SCAI: variants seen among roughly 807,000 people sequenced by gnomAD.
The protein encoded by SCAI is suppressor of cancer cell invasion.
In SCAI, 24 loss-of-function variants were observed where a neutral mutation model predicts 92.2. That is an observed-to-expected ratio of 0.26 (90% CI 0.19 to 0.37). The LOEUF (loss-of-function observed/expected upper bound fraction) is 0.37, where lower values mean the gene tolerates loss of function less well. Among genes scored for constraint, SCAI ranks in the 10% least tolerant of loss-of-function variants. The pLI, the probability that SCAI is intolerant of heterozygous loss-of-function variation, is 1.00. For synonymous variants in SCAI, 261 were observed against 258.6 expected (o/e 1.01, Z -0.09); for missense variants, 450 against 736.2 (o/e 0.61, Z 4.50).
chr9:125,068,954 G>A (rs980110000), intron 2 of SCAI, among the ~76,000 whole-genome samples: 3 of 152,008 alleles, frequency 2.0e-5, no homozygotes, highest in Admixed American at 2.0e-4. Flanking sequence ...GGTGCCTCAC[G>A]CCTATAATCC....
chr9:125,007,323 GAT>G (rs1832531884), intron 9 of SCAI, among the ~76,000 whole-genome samples: 1 of 152,072 alleles, frequency 6.6e-6, no homozygotes, highest in Non-Finnish European at 1.5e-5. Context: ...TACTAAGTGT[GAT>G]CAACAAAATA....
intron 3 of SCAI, among the ~76,000 whole-genome samples, chr9:125,046,655 C>T (rs1833449682): frequency 6.7e-6 from 1 of 148,806 alleles, no homozygotes; most frequent in East Asian, 2.0e-4. Flanking sequence ...TACTAAAGAA[C>T]TTATTCATGT....
intron 3 of SCAI, among the ~76,000 whole-genome samples, chr9:125,034,910 T>C (rs906663083): frequency 6.6e-6 from 1 of 152,224 alleles, no homozygotes; most frequent in Non-Finnish European, 1.5e-5. Flanking sequence ...TAGTTATATG[T>C]CAAAATGTTG....
chr9:125,140,315 G>A (rs904595885), intron 2 of SCAI, among the ~76,000 whole-genome samples: 3 of 152,044 alleles, frequency 2.0e-5, no homozygotes, highest in Admixed American at 2.0e-4. Context: ...AGCACTTGAG[G>A]CCAGGAGTTC....
intron 3 of SCAI, among the ~76,000 whole-genome samples, chr9:125,037,033 C>T (rs1359045514): frequency 6.6e-6 from 1 of 152,126 alleles, no homozygotes; most frequent in Non-Finnish European, 1.5e-5. Context: ...CTTTGGGAGG[C>T]CGAGGCAGGC....
intron 17 of SCAI, among the ~76,000 whole-genome samples, chr9:124,960,185 G>C (rs780686675): frequency 5.3e-5 from 8 of 152,114 alleles, no homozygotes; most frequent in Non-Finnish European, 1.2e-4. Context: ...GCAAAGGCTT[G>C]TACAAGCCTT....
intron 13 of SCAI, among the ~76,000 whole-genome samples, chr9:124,997,792 C>T (rs1450014831): frequency 4.0e-5 from 6 of 150,652 alleles, no homozygotes; most frequent in African/African-American, 1.5e-4. Flanking sequence ...AGGAGAATCG[C>T]TTGAACCCGG....
chr9:125,139,449 AC>A (rs1461188158), intron 2 of SCAI, among the ~76,000 whole-genome samples: 1 of 152,148 alleles, frequency 6.6e-6, no homozygotes, highest in African/African-American at 2.4e-5. Context: ...AACCCTAAAA[AC>A]AAAAAACCAA....
chr9:125,054,174 C>T (rs1833618356), intron 3 of SCAI, among the ~76,000 whole-genome samples: 1 of 152,194 alleles, frequency 6.6e-6, no homozygotes, highest in South Asian at 2.1e-4. Context: ...GAGGTTTCAC[C>T]ATGTTGCCCA....
At chr9:125,004,999 G>C (rs770727074) in intron 9 of SCAI, among the ~76,000 whole-genome samples, 34 of 150,826 alleles carry the variant, frequency 2.3e-4, no homozygotes, top group Non-Finnish European at 4.4e-4. Context: ...TGTTGGTCAG[G>C]CTGGTCTTGA....
At chr9:125,049,390 G>T (rs1274647406) in intron 3 of SCAI, among the ~76,000 whole-genome samples, 1 of 152,114 alleles carries the variant, frequency 6.6e-6, no homozygotes, top group Non-Finnish European at 1.5e-5. Context: ...ATTCCATTCT[G>T]CTTCGACAGT....
At chr9:125,058,613 T>C (rs909550363) in intron 2 of SCAI, among the ~76,000 whole-genome samples, 1 of 152,172 alleles carries the variant, frequency 6.6e-6, no homozygotes, top group African/African-American at 2.4e-5. Flanking sequence ...CACAGATGCA[T>C]ACTCCCTAGC....
rs1831252700 is a variant in SCAI at position 124,952,849 on chromosome 9, A to C, written c.1779T>G (p.Asp593Glu). Reference sequence around the variant, plus strand: ...TATTCTCAAAGAACACGTTTCGAACATCCAGAATGGATGCTAATTCCAAAA... The same window carrying C: ...TATTCTCAAAGAACACGTTTCGAACCTCCAGAATGGATGCTAATTCCAAAA... ...KHILELASIL[D>E]VRNVFFENTI... The change falls in exon 18 of 18, where the codon GAT becomes GAG. Residue 593 changes from aspartate (D) to glutamate (E), a missense_variant. By Grantham distance (45) the Asp-to-Glu change is conservative. Around this residue, in one of 3 missense-constraint regions of SCAI, gnomAD observed 360 missense variants for 601.8 expected, o/e 0.60. Coordinates refer to ENST00000336505, the MANE Select transcript of SCAI (RefSeq NM_001144877.3). 13 of 1,613,782 alleles carry C rather than the reference A, an allele frequency of 8.1e-6. No homozygotes were observed. The highest frequency in any genetic ancestry group is 9.3e-6 in the Non-Finnish European group (11 of 1,179,688).
At chr9:124,983,064 A>T (rs750282884) in intron 14 of SCAI, among the ~76,000 whole-genome samples, 56 of 151,358 alleles carry the variant, frequency 3.7e-4, no homozygotes, top group Non-Finnish European at 5.7e-4. Context: ...ACATAGGAGG[A>T]TCTCTTGAGC....
At position 125,026,899 on chromosome 9, in the gene SCAI, G is replaced by A; in HGVS notation, c.425C>T (p.Ser142Leu). ...AGCCTCATTCAGATAGCTGGTTTCC[G>A]ATGTGCGTAAGCTATGAGAAAAAAT... ...QLYYHYYLRT[S>L]ETSYLNEAFS... The change falls in exon 6 of 18, where the codon TCG (serine) becomes TTG (leucine). Residue 142 changes from serine to leucine, a missense_variant. Coordinates refer to ENST00000336505, the MANE Select transcript of SCAI (RefSeq NM_001144877.3). The A allele has an allele frequency of 6.3e-7, 1 of 1,591,588 alleles. No individual in the cohort carries two copies. The highest frequency in any genetic ancestry group is 1.1e-5 in the South Asian group (1 of 90,234).
chr9:125,052,410 A>C lies in SCAI; in HGVS notation c.230+3466T>G, dbSNP rs563192732. 2.0e-5 allele frequency among the ~76,000 whole-genome samples: 3 copies of C among 152,288 alleles called. No homozygotes were observed. In the South Asian group the frequency reaches 6.2e-4, roughly 32 times the overall value. On this transcript the variant is annotated intron_variant, in intron 3 of 17. Transcript: ENST00000336505. The stretch of plus-strand genomic sequence containing the variant: ...ACATGGTGAAATCCCGTTTCTACTA[A>C]AAATACAAAAATTAGCCGGGCATGG...
intron 12 of SCAI, among the ~76,000 whole-genome samples, chr9:125,001,213 T>A (rs1832354612): frequency 6.6e-6 from 1 of 152,246 alleles, no homozygotes; most frequent in African/African-American, 2.4e-5. Context: ...CTGGAGGTCA[T>A]GCAAGGAAGA....
chr9:125,139,724 T>C (rs371264219), intron 2 of SCAI, among the ~76,000 whole-genome samples: 12 of 152,178 alleles, frequency 7.9e-5, no homozygotes, highest in African/African-American at 2.9e-4. Flanking sequence ...AGAGGGATCC[T>C]AAGCATGAGA....
chr9:125,010,987 G>A (rs151139590), intron 9 of SCAI, among the ~76,000 whole-genome samples: 1,839 of 152,142 alleles, frequency 0.012, 95 homozygotes, highest in Admixed American at 0.083. Context: ...CTGTTAGAAG[G>A]AAAACTAACA....
Sources: gnomAD v4.1 joint callset for allele counts (sites outside exome capture counted in the v4.1 genomes callset) on GRCh38, gnomAD v4.1.1 for gene constraint, gnomAD v4.1.1 regional missense constraint, MANE v1.5 for transcripts, NCBI Gene and HGNC (gene_info 2026-07-23, HGNC 2026-07-21) for gene names.